The following SPICE1 variants were observed in gnomAD, a reference collection of about 807,000 sequenced individuals.
The protein encoded by SPICE1 is spindle and centriole associated protein 1.
Under a neutral mutation model 102.7 loss-of-function variants are expected in SPICE1, and 75 were observed. The ratio of observed to expected loss-of-function variants is 0.73; its 90% CI spans 0.61 to 0.88. SPICE1 has a LOEUF of 0.88. SPICE1 is among the 40% of genes least tolerant of loss of function. The pLI, the probability that SPICE1 is intolerant of heterozygous loss-of-function variation, is 0.00. For synonymous variants in SPICE1, 308 were observed against 350.3 expected (o/e 0.88, Z 1.35); for missense variants, 979 against 1,020.1 (o/e 0.96, Z 0.55).
chr3:113,484,099 A>C (rs1936585663), intron 7 of SPICE1, among the ~76,000 whole-genome samples: 1 of 152,012 alleles, frequency 6.6e-6, no homozygotes. Context: ...TCTGGTTTAG[A>C]CTTGGGAGGG....
intron 6 of SPICE1, among the ~76,000 whole-genome samples, chr3:113,492,320 C>T (rs546809250): frequency 7.9e-5 from 12 of 152,036 alleles, no homozygotes; most frequent in Non-Finnish European, 1.2e-4. Flanking sequence ...ATTGATGATT[C>T]TCTTCTTTTT....
At chr3:113,467,189 A>C (rs1197650242) in intron 10 of SPICE1, among the ~76,000 whole-genome samples, 1 of 152,264 alleles carries the variant, frequency 6.6e-6, no homozygotes, top group Non-Finnish European at 1.5e-5. Flanking sequence ...GCTTAAGTAC[A>C]TAACAGTTTA....
intron 3 of SPICE1, among the ~76,000 whole-genome samples, chr3:113,499,802 G>T (rs1936973275): frequency 6.6e-6 from 1 of 152,114 alleles, no homozygotes; most frequent in Non-Finnish European, 1.5e-5. Flanking sequence ...CTACCTAAAA[G>T]ATGTACAGAA....
intron 7 of SPICE1, among the ~76,000 whole-genome samples, chr3:113,483,045 T>C (rs982044468): frequency 9.9e-5 from 15 of 152,242 alleles, no homozygotes; most frequent in African/African-American, 3.6e-4. Context: ...GAGCATGGAA[T>C]GTTTTTCCAT....
chr3:113,493,630 A>T (rs1936812164), intron 5 of SPICE1, among the ~76,000 whole-genome samples: 1 of 152,208 alleles, frequency 6.6e-6, no homozygotes, highest in Admixed American at 6.5e-5. Flanking sequence ...AAAACTAATG[A>T]TGTTTCTAGA....
chr3:113,459,680 G>C, intron 12 of SPICE1: 1 of 848,274 alleles, frequency 1.2e-6, no homozygotes, highest in Non-Finnish European at 1.4e-6. Flanking sequence ...TCAGGAGTTC[G>C]AGACCAGGCT....
At chr3:113,466,149 C>T (rs1431787737) in intron 10 of SPICE1, among the ~76,000 whole-genome samples, 1 of 152,152 alleles carries the variant, frequency 6.6e-6, no homozygotes, top group African/African-American at 2.4e-5. Flanking sequence ...AACAGGCTAG[C>T]TGGAAGTTAG....
chr3:113,499,930 A>AT (rs1416711467), intron 3 of SPICE1, among the ~76,000 whole-genome samples: 4 of 151,404 alleles, frequency 2.6e-5, no homozygotes, highest in Admixed American at 6.6e-5. Flanking sequence ...CAAAACCAGC[A>AT]TTTTTTTTTA....
At chr3:113,445,833 T>G (rs1935500254) in intron 17 of SPICE1, among the ~76,000 whole-genome samples, 1 of 152,204 alleles carries the variant, frequency 6.6e-6, no homozygotes, top group Non-Finnish European at 1.5e-5. Flanking sequence ...TCATTTAATT[T>G]GGGCTATAAG....
chr3:113,514,027 T>C (rs1276511545), intron 1 of SPICE1, among the ~76,000 whole-genome samples: 1 of 152,226 alleles, frequency 6.6e-6, no homozygotes, highest in Non-Finnish European at 1.5e-5. Flanking sequence ...CTCCTCTCTG[T>C]AATACCCCCA....
Position 113,499,579 on chromosome 3 carries a change from G to C in SPICE1, c.151C>G (p.Arg51Gly). ...VHRATPEDLV[R>G]RHEIHKSKNR... is the part of the protein sequence containing the mutation. ...TTCGATTTGTGTATTTCATGACGGCGTACCTATACAGAAGAGAAAAGTACA... is the reference window on the plus strand; with the variant it reads ...TTCGATTTGTGTATTTCATGACGGCCTACCTATACAGAAGAGAAAAGTACA... The change falls in exon 4 of 18, where the codon CGC (arginine) becomes GGC (glycine). Residue 51 changes from arginine to glycine, a missense_variant. By Grantham distance (125) the Arg-to-Gly change is moderately radical (BLOSUM62 -2). Coordinates refer to ENST00000295872, the MANE Select transcript of SPICE1 (RefSeq NM_144718.4). The C allele has an allele frequency of 1.9e-6, 3 of 1,603,502 alleles. No individual in the cohort carries two copies. The highest frequency in any genetic ancestry group is 2.6e-6 in the Non-Finnish European group (3 of 1,176,300).
At chr3:113,489,087 T>C (rs574458953) in intron 6 of SPICE1, 24 bp from the exon 7 acceptor site, 25 of 1,424,550 alleles carry the variant, frequency 1.8e-5, no homozygotes, top group Non-Finnish European at 2.3e-5. Flanking sequence ...ACAATAAAAA[T>C]AGCACAAGTT....
intron 3 of SPICE1, 127 bp downstream of exon 3, chr3:113,503,053 A>G: frequency 1.1e-6 from 1 of 927,108 alleles, no homozygotes; most frequent in South Asian, 1.6e-5. Context: ...TTTTATATAG[A>G]CATAAACAAG....
chr3:113,469,195 T>C lies in SPICE1; in HGVS notation c.655A>G (p.Lys219Glu). The C allele has an allele frequency of 1.2e-6, 2 of 1,601,692 alleles. No individual in the cohort carries two copies. The highest frequency in any genetic ancestry group is 1.7e-6 in the Non-Finnish European group (2 of 1,173,400). ...LTEENFELISKLWTDIQQKIA... is the reference protein window; with the variant it reads ...LTEENFELISELWTDIQQKIA... ...TTCTGCTGAATGTCAGTCCACAACT[T>C]ACTAATTAACTCAAAATTCTCTTCT... The change falls in exon 8 of 18, where the codon AAG becomes GAG. Residue 219 changes from lysine to glutamate, a missense_variant. By Grantham distance (56) the Lys-to-Glu change is moderately conservative. Coordinates refer to ENST00000295872, the MANE Select transcript of SPICE1 (RefSeq NM_144718.4).
At position 113,453,468 on chromosome 3, in the gene SPICE1, A is replaced by C; in HGVS notation, c.2140T>G (p.Ser714Ala). ...ATCAATCCTTAAATGGTACTCACAG[A>C]AGTCATGTCACTTGCACTTTCTTGT... ...NKQESASDMTSTFPVAQSLTP... is the reference protein window; with the variant it reads ...NKQESASDMTATFPVAQSLTP... The change falls in exon 14 of 18, where the codon TCT becomes GCT. Residue 714 changes from serine (S) to alanine (A), a missense_variant and splice_region_variant. Physicochemically the swap from Ser to Ala is moderately conservative, Grantham distance 99. Transcript: ENST00000295872. The C allele has an allele frequency of 6.2e-7, 1 of 1,601,338 alleles. No homozygotes were observed. The highest frequency in any genetic ancestry group is 8.5e-7 in the Non-Finnish European group (1 of 1,172,288).
chr3:113,496,603 G>A (rs1936896377), intron 4 of SPICE1, among the ~76,000 whole-genome samples: 1 of 152,118 alleles, frequency 6.6e-6, no homozygotes. Context: ...GATTCCCATG[G>A]CATGGGTACA....
chr3:113,509,602 A>C (rs775466710), intron 1 of SPICE1, among the ~76,000 whole-genome samples: 4 of 152,238 alleles, frequency 2.6e-5, no homozygotes, highest in Non-Finnish European at 5.9e-5. Flanking sequence ...ATAAAGGCTA[A>C]GAATACAGTC....
intron 13 of SPICE1, among the ~76,000 whole-genome samples, chr3:113,456,209 G>T (rs750285788): frequency 1.3e-5 from 2 of 151,874 alleles, no homozygotes; most frequent in Non-Finnish European, 2.9e-5. Flanking sequence ...GGGCTTCTTC[G>T]TGTCCTTTAT....
In SPICE1 at chr3:113,484,967, T is replaced by TA. The variant is rs371732574; in HGVS notation, c.611+3977dup. On this transcript the variant is annotated intron_variant, in intron 7 of 17. Transcript: ENST00000295872. ...CTGTCTAATACTGACCATAAAGTGTTAAAGTCTCCCCTACCCAAGGGAATC... is the reference window on the plus strand; with the variant it reads ...CTGTCTAATACTGACCATAAAGTGTTAAAAGTCTCCCCTACCCAAGGGAATC... Among the ~76,000 whole-genome samples the TA allele has an allele frequency of 2.7e-4, 41 of 152,184 alleles. 1 individual carries two copies. Among genetic ancestry groups the TA allele is most frequent in the African/African-American group, 8.9e-4 (37 of 41,518 alleles).
Sources: allele counts gnomAD v4.1 joint callset (sites outside exome capture counted in the v4.1 genomes callset), GRCh38; gene constraint gnomAD v4.1.1; transcripts MANE v1.5; gene names NCBI Gene and HGNC (gene_info 2026-07-23, HGNC 2026-07-21).